Variants in MGAT5 observed in about 807,000 individuals in gnomAD.
The protein encoded by MGAT5 is alpha-1,6-mannosylglycoprotein 6-beta-N-acetylglucosaminyltransferase A.
Under a neutral mutation model 94.3 loss-of-function variants are expected in MGAT5, and 30 were observed. That is an observed-to-expected ratio of 0.32 (90% CI 0.24 to 0.43). The LOEUF (loss-of-function observed/expected upper bound fraction) is 0.43. Ranked by LOEUF, MGAT5 falls within the 20% of genes least tolerant of loss-of-function variation. MGAT5 has a pLI of 1.00. For missense variants in MGAT5, 691 were observed against 905.5 expected, an observed-to-expected ratio of 0.76 and a Z score of 3.04; for synonymous variants, 310 against 322.9, an observed-to-expected ratio of 0.96 and a Z score of 0.43.
Position 134,452,422 on chromosome 2 carries a change from C to T in MGAT5, c.*3575C>T, listed in dbSNP as rs1056028898. 5.3e-5 allele frequency: 8 copies of T among 152,306 alleles called. No individual in the cohort carries two copies. Among genetic ancestry groups the T allele is most frequent in the African/African-American group, 1.9e-4 (8 of 41,564 alleles). The allele number at this position is 152,306 out of a possible 1,614,324, so 9.4% of individuals were successfully genotyped here. ...CTTTAGCATCATGAAAGGGAAAGAA[C>T]GTGCACCCCTTTTTTGTTTCTTTAG... is the stretch of plus-strand genomic sequence containing the variant. On this transcript the variant is annotated 3_prime_UTR_variant, in exon 16 of 16. Coordinates refer to ENST00000281923, the MANE Select transcript of MGAT5 (RefSeq NM_002410.5).
At chr2:134,303,734 T>G (rs1686167866) in intron 2 of MGAT5, among the ~76,000 whole-genome samples, 1 of 152,138 alleles carries the variant, frequency 6.6e-6, no homozygotes, top group Non-Finnish European at 1.5e-5. Context: ...TTAAGGTAGT[T>G]TATATACAGA....
At chr2:134,132,460 C>T (rs74724821) in intron 1 of MGAT5, among the ~76,000 whole-genome samples, 1 of 152,214 alleles carries the variant, frequency 6.6e-6, no homozygotes, top group African/African-American at 2.4e-5. Context: ...CTGGTGTTTT[C>T]TATTTTGTCC....
Position 134,317,491 on chromosome 2 carries a change from A to T in MGAT5, c.407-38A>T, listed in dbSNP as rs76370276. ...AGAATGTTAGGCTTGTGTTTTATAG[A>T]TCTCATTGTATCCTTTGTTGTTTTT... On this transcript the variant is annotated intron_variant, in intron 2 of 15. Transcript: ENST00000281923. The T allele has an allele frequency of 1.7e-3, 2,372 of 1,416,758 alleles. 34 individuals carry two copies. The African/African-American group carries it at 0.031, about 19-fold the overall frequency. 87.8% of individuals were successfully genotyped at this position (1,416,758 alleles called of 1,614,324 possible).
chr2:134,243,283 G>A (rs186704616), intron 1 of MGAT5, among the ~76,000 whole-genome samples: 1 of 152,054 alleles, frequency 6.6e-6, no homozygotes, highest in Admixed American at 6.5e-5. Context: ...AGCAGTCCAG[G>A]TGATTCTATG....
rs530581047 is a variant in MGAT5 at position 134,241,339 on chromosome 2, G to A, written c.-142-12923G>A. Among the ~76,000 whole-genome samples the A allele has an allele frequency of 2.1e-3, 320 of 152,352 alleles. 1 individual carries two copies. The highest frequency in any genetic ancestry group is 6.8e-3 in the Middle Eastern group (2 of 294). On this transcript the variant is annotated intron_variant, in intron 1 of 16. Coordinates refer to the MGAT5 transcript ENST00000409645. ...CATTCTGCCGGAAAACATGTTCAAA[G>A]GAAGCAATGAGTTCTCTTATAAACT...
chr2:134,326,518 C>G (rs963745360), intron 4 of MGAT5, among the ~76,000 whole-genome samples: 12 of 151,996 alleles, frequency 7.9e-5, no homozygotes, highest in African/African-American at 1.2e-4. Flanking sequence ...CTCTAAGAAC[C>G]ATCTTGCTCC....
chr2:134,148,697 T>A (rs1198244316), intron 1 of MGAT5, among the ~76,000 whole-genome samples: 1 of 152,212 alleles, frequency 6.6e-6, no homozygotes, highest in Non-Finnish European at 1.5e-5. Flanking sequence ...AGTTTTTCAC[T>A]TCTATCGTAG....
intron 1 of MGAT5, among the ~76,000 whole-genome samples, chr2:134,189,602 G>GTTTTTTGTTTTT (rs1689239643): frequency 5.9e-5 from 5 of 84,650 alleles, no homozygotes; most frequent in African/African-American, 1.9e-4. Context: ...GTTTTTTTTT[G>GTTTTTTGTTTTT]TTTTTTTTTT....
intron 1 of MGAT5, among the ~76,000 whole-genome samples, chr2:134,196,807 A>G (rs1189958389): frequency 6.6e-6 from 1 of 152,202 alleles, no homozygotes; most frequent in Non-Finnish European, 1.5e-5. Flanking sequence ...GGCCCAAGAC[A>G]GTTCTTCTAG....
chr2:134,423,228 G>A (rs3791309), intron 13 of MGAT5, among the ~76,000 whole-genome samples: 16,123 of 152,252 alleles, frequency 0.11, 1,233 homozygotes, highest in African/African-American at 0.21. Flanking sequence ...TGCTCTCACA[G>A]AGATCTGAAA....
chr2:134,418,222 A>T (rs1032105130), intron 12 of MGAT5, among the ~76,000 whole-genome samples: 2 of 152,226 alleles, frequency 1.3e-5, no homozygotes, highest in Non-Finnish European at 2.9e-5. Context: ...ATCAGTTGCC[A>T]TCATTTTGTA....
chr2:134,446,464 G>A (rs1685781598), intron 15 of MGAT5, among the ~76,000 whole-genome samples: 2 of 152,080 alleles, frequency 1.3e-5, no homozygotes, highest in African/African-American at 4.8e-5. Context: ...ATATAAACCT[G>A]TATCCCAAGG....
intron 1 of MGAT5, among the ~76,000 whole-genome samples, chr2:134,257,387 A>G (rs1417201374): frequency 6.6e-6 from 1 of 151,950 alleles, no homozygotes; most frequent in Non-Finnish European, 1.5e-5. Flanking sequence ...ACGCCTGCCT[A>G]ATTTTTGTGT....
In MGAT5 at chr2:134,434,273, C is replaced by T. The variant is rs150165232; in HGVS notation, c.1869+5834C>T. 1.7e-3 allele frequency among the ~76,000 whole-genome samples: 261 copies of T among 152,312 alleles called. 2 individuals carry two copies. The highest frequency in any genetic ancestry group is 5.8e-3 in the African/African-American group (243 of 41,566). ...CTTCTTTACAAAGGCGGTGCTCTCA[C>T]CTCTTCTTCAGGGTTGGCTGTGTTC... On this transcript the variant is annotated intron_variant, in intron 14 of 15. Transcript: ENST00000281923.
chr2:134,274,053 T>C (rs1386100356), intron 2 of MGAT5, among the ~76,000 whole-genome samples: 1 of 152,198 alleles, frequency 6.6e-6, no homozygotes, highest in Non-Finnish European at 1.5e-5. Flanking sequence ...AGTGAGGAAG[T>C]GGAGCGAATA....
chr2:134,189,610 T>TTTTTTTTTGTTGTTG (rs1553490438), intron 1 of MGAT5, among the ~76,000 whole-genome samples: 7 of 135,648 alleles, frequency 5.2e-5, no homozygotes, highest in Non-Finnish European at 1.1e-4. Context: ...TTGTTTTTTT[T>TTTTTTTTTGTTGTTG]TTTTTTTTTT....
intron 1 of MGAT5, among the ~76,000 whole-genome samples, chr2:134,165,897 T>C (rs1430704396): frequency 2.0e-5 from 3 of 152,224 alleles, no homozygotes; most frequent in Non-Finnish European, 4.4e-5. Context: ...GGATCAACTA[T>C]GCAAGATAGT....
intron 1 of MGAT5, among the ~76,000 whole-genome samples, chr2:134,264,820 C>T (rs1375899659): frequency 1.3e-5 from 2 of 152,204 alleles, no homozygotes; most frequent in African/African-American, 2.4e-5. Flanking sequence ...GCAAGTGAAG[C>T]TGCTCTGTGG....
intron 1 of MGAT5, among the ~76,000 whole-genome samples, chr2:134,160,888 G>A (rs1411252247): frequency 2.6e-5 from 4 of 152,230 alleles, no homozygotes; most frequent in African/African-American, 9.6e-5. Context: ...ATTGGGTAAT[G>A]GTCCAGCTGC....
Sources: allele counts gnomAD v4.1 joint callset (sites outside exome capture counted in the v4.1 genomes callset), GRCh38; gene constraint gnomAD v4.1.1; transcripts MANE v1.5; gene names NCBI Gene and HGNC (gene_info 2026-07-23, HGNC 2026-07-21).